Variants in SPOCK3 observed in about 807,000 individuals in gnomAD.
SPOCK3 encodes the protein SPARC (osteonectin), cwcv and kazal like domains proteoglycan 3.
A neutral mutation model predicts 56.6 loss-of-function variants in SPOCK3; 30 were observed. That is an observed-to-expected ratio of 0.53 (90% confidence interval 0.40 to 0.72). The LOEUF is 0.72. Among genes scored for constraint, SPOCK3 ranks in the 30% least tolerant of loss-of-function variants. The pLI, the probability that SPOCK3 is intolerant of heterozygous loss-of-function variation, is 0.00. For synonymous variants in SPOCK3, 196 were observed against 183.3 expected (o/e 1.07, Z -0.56); for missense variants, 527 against 530.0 (o/e 0.99, Z 0.06).
At chr4:167,196,419 C>T (rs367894132) in intron 2 of SPOCK3, among the ~76,000 whole-genome samples, 20 of 151,716 alleles carry the variant, frequency 1.3e-4, no homozygotes, top group African/African-American at 4.8e-4. Flanking sequence ...ATCCATGTGT[C>T]AGTAGTCTGG....
At chr4:166,991,253 C>A (rs551571939) in intron 4 of SPOCK3, among the ~76,000 whole-genome samples, 1 of 152,174 alleles carries the variant, frequency 6.6e-6, no homozygotes, top group East Asian at 1.9e-4. Flanking sequence ...AAACCACCAA[C>A]AGTATCTACA....
chr4:167,022,728 C>T (rs1446523053), intron 3 of SPOCK3, among the ~76,000 whole-genome samples: 3 of 151,982 alleles, frequency 2.0e-5, no homozygotes, highest in Non-Finnish European at 4.4e-5. Flanking sequence ...CCATAATGTG[C>T]TGTATGTGGG....
intron 2 of SPOCK3, among the ~76,000 whole-genome samples, chr4:167,146,416 A>T (rs779649013): frequency 4.4e-4 from 67 of 152,154 alleles, no homozygotes; most frequent in Non-Finnish European, 8.4e-4. Flanking sequence ...ACAGAAAATT[A>T]ACAAGGATAT....
At chr4:167,092,280 A>C (rs142680264) in intron 2 of SPOCK3, among the ~76,000 whole-genome samples, 2 of 152,300 alleles carry the variant, frequency 1.3e-5, no homozygotes, top group African/African-American at 4.8e-5. Context: ...GTTAATCTCT[A>C]GTCCAAGGGA....
At chr4:166,913,771 AT>A (rs1737537140) in intron 4 of SPOCK3, among the ~76,000 whole-genome samples, 1 of 151,740 alleles carries the variant, frequency 6.6e-6, no homozygotes, top group East Asian at 1.9e-4. Context: ...CACATAGATT[AT>A]TTTCTGTCTC....
chr4:167,023,190 G>T (rs999507858), intron 3 of SPOCK3, among the ~76,000 whole-genome samples: 4 of 151,878 alleles, frequency 2.6e-5, no homozygotes, highest in Non-Finnish European at 5.9e-5. Flanking sequence ...TCATTGCTGA[G>T]GTCCCGATAT....
At chr4:166,762,854 A>G (rs1737427423) in intron 7 of SPOCK3, among the ~76,000 whole-genome samples, 1 of 152,138 alleles carries the variant, frequency 6.6e-6, no homozygotes, top group South Asian at 2.1e-4. Context: ...AATAAAGCAC[A>G]TAGGAGAAAG....
intron 6 of SPOCK3, among the ~76,000 whole-genome samples, chr4:166,856,304 GT>G (rs1423360870): frequency 1.3e-5 from 2 of 152,054 alleles, no homozygotes; most frequent in African/African-American, 4.8e-5. Flanking sequence ...TAATAATAAT[GT>G]TTTGTATATT....
chr4:166,768,017 C>CTTTTT (rs200953499), intron 7 of SPOCK3, among the ~76,000 whole-genome samples: 7 of 111,184 alleles, frequency 6.3e-5, no homozygotes, highest in African/African-American at 2.9e-4. Context: ...GCAAACCCTG[C>CTTTTT]TTTTTTTGTT....
chr4:167,132,628 T>C (rs1762791133), intron 2 of SPOCK3, among the ~76,000 whole-genome samples: 1 of 152,200 alleles, frequency 6.6e-6, no homozygotes, highest in South Asian at 2.1e-4. Context: ...AAACTAGAGA[T>C]GTATTCTTAT....
chr4:167,160,107 G>C (rs1467856881), intron 2 of SPOCK3, among the ~76,000 whole-genome samples: 2 of 152,118 alleles, frequency 1.3e-5, no homozygotes, highest in Non-Finnish European at 1.5e-5. Flanking sequence ...AATTGTCCCT[G>C]TTTGCAGATG....
intron 9 of SPOCK3, 99 bp downstream of exon 9, chr4:166,741,898 A>C: frequency 1.2e-6 from 1 of 839,654 alleles, no homozygotes; most frequent in Non-Finnish European, 1.9e-6. Flanking sequence ...AATTTAGTGC[A>C]GTCTATCTTT....
chr4:166,935,841 T>G (rs1740336494), intron 4 of SPOCK3, among the ~76,000 whole-genome samples: 2 of 152,198 alleles, frequency 1.3e-5, no homozygotes, highest in African/African-American at 4.8e-5. Flanking sequence ...GAGAAGTGGC[T>G]GCATTCTAAT....
intron 4 of SPOCK3, among the ~76,000 whole-genome samples, chr4:166,985,326 G>A (rs532502654): frequency 6.6e-6 from 1 of 152,250 alleles, no homozygotes; most frequent in East Asian, 1.9e-4. Flanking sequence ...ATCCGTCCAA[G>A]TGAAGAGGCA....
rs117004494 is a variant in SPOCK3, at chr4:166,930,608, C to T, written c.351-17865G>A. On this transcript the variant is annotated intron_variant, in intron 4 of 10. Transcript: ENST00000357545. ...AGGACAATACATCAAAGAGAAATGA[C>T]TAAAAATAAATTACTACATGATGAA... 3.5e-4 allele frequency among the ~76,000 whole-genome samples: 54 copies of T among 152,178 alleles called. 1 individual carries two copies. In the East Asian group the frequency reaches 9.9e-3, roughly 28 times the overall value.
intron 5 of SPOCK3, among the ~76,000 whole-genome samples, chr4:166,897,384 C>T (rs1048228720): frequency 6.6e-6 from 1 of 151,986 alleles, no homozygotes; most frequent in Non-Finnish European, 1.5e-5. Flanking sequence ...GTAGTGTCTC[C>T]TTCTAGAAGA....
intron 3 of SPOCK3, among the ~76,000 whole-genome samples, chr4:167,031,088 T>G (rs977536307): frequency 2.0e-5 from 3 of 152,100 alleles, no homozygotes; most frequent in Admixed American, 6.6e-5. Context: ...GGATTTAATC[T>G]TCACCTTAAT....
At chr4:167,071,538 G>C (rs967905375) in intron 2 of SPOCK3, among the ~76,000 whole-genome samples, 3 of 151,962 alleles carry the variant, frequency 2.0e-5, no homozygotes, top group Admixed American at 2.0e-4. Flanking sequence ...ATGGTTTCCA[G>C]TTTCATCCAT....
intron 3 of SPOCK3, among the ~76,000 whole-genome samples, chr4:167,014,890 C>T (rs1007695092): frequency 2.6e-5 from 4 of 151,766 alleles, no homozygotes; most frequent in African/African-American, 9.7e-5. Flanking sequence ...CTCAAACTAC[C>T]CTTAAAATTA....
Sources: gnomAD v4.1 joint callset for allele counts (sites outside exome capture counted in the v4.1 genomes callset) on GRCh38, gnomAD v4.1.1 for gene constraint, MANE v1.5 for transcripts, NCBI Gene and HGNC (gene_info 2026-07-23, HGNC 2026-07-21) for gene names.